SSX1: variants seen among roughly 807,000 people sequenced by gnomAD.
SSX1 encodes protein SSX1.
A neutral mutation model predicts 14.6 loss-of-function variants in SSX1; 58 were observed. That is an observed-to-expected ratio of 3.96 (90% CI 3.21 to 4.93). SSX1 has a LOEUF of 4.93. Ranked by LOEUF, SSX1 falls within the 30% of genes most tolerant of loss-of-function variation. The pLI, the probability that SSX1 is intolerant of heterozygous loss-of-function variation, is 0.00. For missense variants in SSX1, 272 were observed against 143.1 expected, an observed-to-expected ratio of 1.90 and a Z score of -4.60; for synonymous variants, 46 against 52.1, an observed-to-expected ratio of 0.88 and a Z score of 0.50.
chrX:48,266,841 C>T lies in SSX1; in HGVS notation c.*5-13C>T. 7 of 1,012,869 alleles carry T rather than the reference C, an allele frequency of 6.9e-6. No homozygotes were observed. The highest frequency in any genetic ancestry group is 3.8e-5 in the South Asian group (2 of 52,639). The allele number at this position is 1,012,869 out of a possible 1,213,427, so 83.5% of individuals were successfully genotyped here. A position where few individuals can be genotyped will look rare whatever the true frequency, so the allele number is the denominator to read the frequency against. On this transcript the variant is annotated splice_polypyrimidine_tract_variant and intron_variant, in intron 7 of 7. Coordinates refer to ENST00000376919, the MANE Select transcript of SSX1 (RefSeq NM_005635.4). ...TCGCTGTCACTTACTTTCCTTCCCTCTTCTCGCCTCAGCCTGGGGGATACG... is the reference window on the plus strand; with the variant it reads ...TCGCTGTCACTTACTTTCCTTCCCTTTTCTCGCCTCAGCCTGGGGGATACG...
Position 48,266,866 on chromosome X carries a change from G to A in SSX1, c.*17G>A, listed in dbSNP as rs528433447. 2.4e-5 allele frequency: 27 copies of A among 1,104,970 alleles called. No individual in the cohort carries two copies. The highest frequency in any genetic ancestry group is 7.3e-5 in the South Asian group (4 of 55,103). The allele number at this position is 1,104,970 out of a possible 1,213,427, so 91.1% of individuals were successfully genotyped here. The stretch of plus-strand genomic sequence containing the variant: ...CTTCTCGCCTCAGCCTGGGGGATAC[G>A]ACACATGCCCTTGATGAGAAGCAGA... On this transcript the variant is annotated 3_prime_UTR_variant, in exon 8 of 8. Transcript: ENST00000376919.
intron 6 of SSX1, among the ~76,000 whole-genome samples, chrX:48,264,653 A>G (rs1185184262): frequency 1.4e-4 from 16 of 111,925 alleles, no homozygotes; most frequent in African/African-American, 4.5e-4. Flanking sequence ...GAACACAACA[A>G]TGAAATTTGC....
chrX:48,261,764 A>T lies in SSX1; in HGVS notation c.281-2A>T, dbSNP rs782297412. The T allele has an allele frequency of 2.5e-6, 3 of 1,211,194 alleles. No individual in the cohort carries two copies. Among genetic ancestry groups the T allele is most frequent in the Non-Finnish European group, 2.2e-6 (2 of 894,948 alleles). On this transcript the variant is annotated splice_acceptor_variant, in intron 4 of 7. Coordinates refer to ENST00000376919, the MANE Select transcript of SSX1 (RefSeq NM_005635.4). LOFTEE classifies it high-confidence loss of function. Reference sequence around the variant, plus strand: ...GAAAAATTCTGATGTGTTCTCTTTCAGTTGAACATCCTCAGATGACTTTCG... The same window carrying T: ...GAAAAATTCTGATGTGTTCTCTTTCTGTTGAACATCCTCAGATGACTTTCG...
rs1371389676 is a variant in SSX1 at position 48,266,728 on chromosome X, T to A, written c.*5-126T>A. On this transcript the variant is annotated intron_variant, in intron 7 of 7. Coordinates refer to ENST00000376919, the MANE Select transcript of SSX1 (RefSeq NM_005635.4). ...TCACTTCGAGGAACCATGGAAGGCG[T>A]GTCCAGGTCCTGGGGTAGGGCAGAA... 5.7e-6 allele frequency: 3 copies of A among 522,388 alleles called. No individual in the cohort carries two copies. The African/African-American group carries it at 7.0e-5, about 12-fold the overall frequency. The allele number at this position is 522,388 out of a possible 1,213,427, so 43.1% of individuals were successfully genotyped here.
rs782544124 is a variant in SSX1, at chrX:48,256,127, G to A, written c.-21+695G>A. On this transcript the variant is annotated intron_variant, in intron 1 of 7. Transcript: ENST00000376919. Reference sequence around the variant, plus strand: ...CAAGTGATCCTCCCACCTCGGCCTCGGAACTACAGGCAAGAACCACCTCGC... The same window carrying A: ...CAAGTGATCCTCCCACCTCGGCCTCAGAACTACAGGCAAGAACCACCTCGC... Among the ~76,000 whole-genome samples the A allele has an allele frequency of 8.4e-5, 9 of 106,693 alleles. No homozygotes were observed. In the South Asian group the frequency reaches 2.9e-3, roughly 35 times the overall value. 92.7% of individuals were successfully genotyped at this position (106,693 alleles called of 115,157 possible).
In SSX1 at chrX:48,263,831, C is replaced by A. The variant is rs1556935947; in HGVS notation, c.380C>A (p.Ser127Ter). 4 of 1,209,875 alleles carry A rather than the reference C, an allele frequency of 3.3e-6. No individual in the cohort carries two copies. Among genetic ancestry groups the A allele is most frequent in the Non-Finnish European group, 4.5e-6 (4 of 895,146 alleles). Residue 127 changes from serine to a stop codon, truncating the protein, a stop_gained, in exon 6 of 8, where the codon TCA becomes TAA. Coordinates refer to ENST00000376919, the MANE Select transcript of SSX1 (RefSeq NM_005635.4). LOFTEE classifies it high-confidence loss of function. Reference sequence around the variant, plus strand: ...GACGAAAATGATTCGAAGGGAGTGTCAGAAGCATCTGGCCCACAAAACGAT... The same window carrying A: ...GACGAAAATGATTCGAAGGGAGTGTAAGAAGCATCTGGCCCACAAAACGAT... ...AEDENDSKGV[S>*]EASGPQNDGK...
At position 48,263,824 on chromosome X, in the gene SSX1, G is replaced by T; in HGVS notation, c.373G>T (p.Gly125Ter). 1 of 1,211,641 alleles carries T rather than the reference G, an allele frequency of 8.3e-7. No homozygotes were observed. Among genetic ancestry groups the T allele is most frequent in the African/African-American group, 1.7e-5 (1 of 57,817 alleles). Residue 125 changes from glycine (G) to a stop codon, truncating the protein, a stop_gained, in exon 6 of 8, where the codon GGA becomes TGA. Transcript: ENST00000376919. LOFTEE classifies it high-confidence loss of function. ...KPAEDENDSKGVSEASGPQND... is the reference protein window; with the variant it reads ...KPAEDENDSK Reference sequence around the variant, plus strand: ...AGCAGAGGACGAAAATGATTCGAAGGGAGTGTCAGAAGCATCTGGCCCACA... The same window carrying T: ...AGCAGAGGACGAAAATGATTCGAAGTGAGTGTCAGAAGCATCTGGCCCACA...
chrX:48,263,263 G>A (rs1164153582), intron 5 of SSX1, among the ~76,000 whole-genome samples: 13 of 111,080 alleles, frequency 1.2e-4, no homozygotes, highest in Non-Finnish European at 2.3e-4. Flanking sequence ...TGCCAGATCT[G>A]GTACTGCTTT....
intron 6 of SSX1, among the ~76,000 whole-genome samples, chrX:48,264,805 C>T (rs1476807818): frequency 8.9e-6 from 1 of 112,673 alleles, no homozygotes; most frequent in Admixed American, 9.4e-5. Context: ...CATCTACTTC[C>T]GATAAAAGGC....
intron 1 of SSX1, among the ~76,000 whole-genome samples, chrX:48,255,963 G>A (rs2059579535): frequency 9.6e-6 from 1 of 103,781 alleles, no homozygotes; most frequent in Non-Finnish European, 2.0e-5. Context: ...CAACCTCCTG[G>A]GCTCAAGCGA....
chrX:48,259,292 C>A (rs1302677246), intron 4 of SSX1, among the ~76,000 whole-genome samples: 1 of 112,014 alleles, frequency 8.9e-6, no homozygotes, highest in Non-Finnish European at 1.9e-5. Flanking sequence ...CCACTGCACC[C>A]AGGCCGTTTC....
chrX:48,260,472 C>T (rs186067259), intron 4 of SSX1, among the ~76,000 whole-genome samples: 121 of 111,540 alleles, frequency 1.1e-3, no homozygotes, highest in African/African-American at 3.9e-3. Context: ...TCCCATTTGT[C>T]AATTTTGGCT....
chrX:48,258,917 G>A (rs2059593864), intron 4 of SSX1, among the ~76,000 whole-genome samples: 1 of 111,605 alleles, frequency 9.0e-6, no homozygotes, highest in Admixed American at 9.5e-5. Flanking sequence ...TGGAGAAGGG[G>A]CGGGGGCAGG....
Position 48,258,522 on chromosome X carries a change from T to C in SSX1, c.185-14T>C, listed in dbSNP as rs782647012. ...GTTTGTCCCTTAAGGAATAAACATTTTGCTTCTTTCTAGGTTTCAAAGTCA... is the reference window on the plus strand; with the variant it reads ...GTTTGTCCCTTAAGGAATAAACATTCTGCTTCTTTCTAGGTTTCAAAGTCA... On this transcript the variant is annotated splice_polypyrimidine_tract_variant and intron_variant, in intron 3 of 7. Coordinates refer to ENST00000376919, the MANE Select transcript of SSX1 (RefSeq NM_005635.4). 8.7e-5 allele frequency: 102 copies of C among 1,176,681 alleles called. No individual in the cohort carries two copies. The Middle Eastern group carries it at 1.2e-3, about 14-fold the overall frequency.
rs781852758 is a variant in SSX1, at chrX:48,257,761, G to A, written c.85G>A (p.Ala29Thr). The A allele has an allele frequency of 4.2e-6, 5 of 1,204,292 alleles. No individual in the cohort carries two copies. The highest frequency in any genetic ancestry group is 1.8e-5 in the South Asian group (1 of 56,307). ...TTTTTTTTAGGCCTTTGATGATATTGCCACATACTTCTCTAAGAAAGAGTG... is the reference window on the plus strand; with the variant it reads ...TTTTTTTTAGGCCTTTGATGATATTACCACATACTTCTCTAAGAAAGAGTG... ...EKRSKAFDDI[A>T]TYFSKKEWKK... The change falls in exon 3 of 8, where the codon GCC becomes ACC. Residue 29 changes from alanine to threonine, a missense_variant. Physicochemically the swap from Ala to Thr is moderately conservative, Grantham distance 58. Coordinates refer to ENST00000376919, the MANE Select transcript of SSX1 (RefSeq NM_005635.4).
chrX:48,256,601 G>A (rs1368205525), intron 1 of SSX1, among the ~76,000 whole-genome samples: 2 of 108,326 alleles, frequency 1.8e-5, no homozygotes, highest in African/African-American at 3.4e-5. Flanking sequence ...GCGCCTGGCC[G>A]ATTGCTGCAA....
Position 48,258,188 on chromosome X carries a change from T to TTTC in SSX1, c.184+330_184+331insCTT, listed in dbSNP as rs1416333533. On this transcript the variant is annotated intron_variant, in intron 3 of 7. Coordinates refer to ENST00000376919, the MANE Select transcript of SSX1 (RefSeq NM_005635.4). ...TTGTCTCTTTCTCTCTCTCTCCCTT[T>TTTC]TTTTTTTTTTTTTTTTTTTTTGAGT... 8.9e-3 allele frequency among the ~76,000 whole-genome samples: 734 copies of TTTC among 82,490 alleles called. 27 individuals carry two copies. Among genetic ancestry groups the TTTC allele is most frequent in the African/African-American group, 0.034 (700 of 20,783 alleles). The allele number at this position is 82,490 out of a possible 115,157, so 71.6% of individuals were successfully genotyped here. A position where few individuals can be genotyped will look rare whatever the true frequency, so the allele number is the denominator to read the frequency against.
At chrX:48,256,389 C>T (rs373741656) in intron 1 of SSX1, among the ~76,000 whole-genome samples, 1 of 107,359 alleles carries the variant, frequency 9.3e-6, no homozygotes, top group Non-Finnish European at 1.9e-5. Context: ...ATCCGCCCCC[C>T]CTTGGCCAAA....
At position 48,257,748 on chromosome X, in the gene SSX1, C is replaced by T; in HGVS notation, c.72C>T (p.Ala24=). 8.3e-7 allele frequency: 1 copy of T among 1,198,468 alleles called. No homozygotes were observed. The highest frequency in any genetic ancestry group is 3.0e-5 in the East Asian group (1 of 33,686). ...DAKASEKRSK[A]FDDIATYFSK... ...AAATTTTATTTTATTTTTTTTAGGC[C>T]TTTGATGATATTGCCACATACTTCT... The change falls in exon 3 of 8, where the codon GCC becomes GCT. Residue 24 remains alanine (A), a splice_region_variant and synonymous_variant. Transcript: ENST00000376919.
Sources: gnomAD v4.1 joint callset for allele counts (sites outside exome capture counted in the v4.1 genomes callset) on GRCh38, gnomAD v4.1.1 for gene constraint, MANE v1.5 for transcripts, NCBI Gene and HGNC (gene_info 2026-07-23, HGNC 2026-07-21) for gene names.